Variants in MAGI2 observed in about 807,000 individuals in gnomAD.
MAGI2 encodes the protein membrane associated guanylate kinase, WW and PDZ domain containing 2, also known as membrane-associated guanylate kinase, WW and PDZ domain-containing protein 2.
Under a neutral mutation model 133.3 loss-of-function variants are expected in MAGI2, and 35 were observed. That is an observed-to-expected ratio of 0.26 (90% CI 0.20 to 0.35). The LOEUF (loss-of-function observed/expected upper bound fraction) is 0.35, where lower values mean the gene tolerates loss of function less well. MAGI2 is among the 10% of genes least tolerant of loss of function. MAGI2 has a pLI of 1.00. For missense variants in MAGI2, 1,636 were observed against 1,863.4 expected (o/e 0.88, Z 2.25); for synonymous variants, 729 against 710.6 (o/e 1.03, Z -0.41).
At chr7:79,189,546 C>T (rs1343381154) in intron 1 of MAGI2, among the ~76,000 whole-genome samples, 2 of 151,320 alleles carry the variant, frequency 1.3e-5, no homozygotes, top group Non-Finnish European at 2.9e-5. Flanking sequence ...CCCTTCTATT[C>T]CCCTCCTTCC....
intron 3 of MAGI2, among the ~76,000 whole-genome samples, chr7:78,540,245 G>A (rs574730207): frequency 3.5e-4 from 54 of 152,314 alleles, no homozygotes; most frequent in African/African-American, 1.2e-3. Flanking sequence ...GTCCTTGAGC[G>A]GGGCTTGCTG....
chr7:78,065,425 T>G, intron 21 of MAGI2: 1 of 498,772 alleles, frequency 2.0e-6, no homozygotes, highest in Non-Finnish European at 3.5e-6. Context: ...TCCTTATCAC[T>G]TATAAGGTCT....
chr7:78,475,202 G>A (rs1791619380), intron 6 of MAGI2, among the ~76,000 whole-genome samples: 1 of 151,836 alleles, frequency 6.6e-6, no homozygotes, highest in Non-Finnish European at 1.5e-5. Flanking sequence ...TAATCAGAGT[G>A]GAATAAAGGA....
chr7:78,925,318 G>A (rs923096683), intron 2 of MAGI2, among the ~76,000 whole-genome samples: 1 of 152,162 alleles, frequency 6.6e-6, no homozygotes, highest in Non-Finnish European at 1.5e-5. Context: ...ATATTTATCA[G>A]CACTGTCTGA....
chr7:78,910,263 C>CT (rs71085572), intron 2 of MAGI2, among the ~76,000 whole-genome samples: 6,487 of 128,050 alleles, frequency 0.051, 197 homozygotes, highest in African/African-American at 0.088. Flanking sequence ...TAAAGTAATT[C>CT]TTTTTTTTTT....
At chr7:78,077,213 A>G in intron 21 of MAGI2, among the ~76,000 whole-genome samples, 1 of 152,208 alleles carries the variant, frequency 6.6e-6, no homozygotes, top group Non-Finnish European at 1.5e-5. Flanking sequence ...TTCAGGTCTC[A>G]CCATGGAGTG....
chr7:78,642,940 A>C (rs1584941715), intron 2 of MAGI2, among the ~76,000 whole-genome samples: 1 of 152,202 alleles, frequency 6.6e-6, no homozygotes, highest in East Asian at 1.9e-4. Flanking sequence ...AGATGAGAGC[A>C]GCAGGTGGGA....
At chr7:79,269,925 C>T (rs1834755671) in intron 1 of MAGI2, among the ~76,000 whole-genome samples, 1 of 152,046 alleles carries the variant, frequency 6.6e-6, no homozygotes, top group African/African-American at 2.4e-5. Context: ...TTCCATAATC[C>T]CTGACTGCTC....
chr7:78,271,319 G>A (rs1218027134), intron 9 of MAGI2, among the ~76,000 whole-genome samples: 1 of 152,160 alleles, frequency 6.6e-6, no homozygotes, highest in Non-Finnish European at 1.5e-5. Flanking sequence ...TGATCGTGGA[G>A]GATAAGCTTT....
At chr7:78,324,516 T>C (rs1385230906) in intron 9 of MAGI2, among the ~76,000 whole-genome samples, 1 of 152,204 alleles carries the variant, frequency 6.6e-6, no homozygotes, top group African/African-American at 2.4e-5. Flanking sequence ...GTAAAATAAT[T>C]ATACCTATCC....
At position 78,280,853 on chromosome 7, in the gene MAGI2, C is replaced by CAAAAAA. The variant is rs36097343; in HGVS notation, c.1409-24278_1409-24273dup. 3.4e-3 allele frequency among the ~76,000 whole-genome samples: 372 copies of CAAAAAA among 108,018 alleles called. 8 individuals are homozygous for CAAAAAA. The highest frequency in any genetic ancestry group is 0.013 in the African/African-American group (347 of 27,514). 70.9% of individuals were successfully genotyped at this position (108,018 alleles called of 152,430 possible). ...ACTTGATCTTCAGGTGATGGGTATA[C>CAAAAAA]AAAAAAAAAAAAAAAAAAAAAAATT... is the stretch of plus-strand genomic sequence containing the variant. On this transcript the variant is annotated intron_variant, in intron 9 of 21. Coordinates refer to ENST00000354212, the MANE Select transcript of MAGI2 (RefSeq NM_012301.4).
chr7:78,557,670 T>C (rs896314701), intron 3 of MAGI2, among the ~76,000 whole-genome samples: 1 of 152,192 alleles, frequency 6.6e-6, no homozygotes, highest in African/African-American at 2.4e-5. Flanking sequence ...AGAAATACTT[T>C]CTAGAAGGTC....
intron 1 of MAGI2, among the ~76,000 whole-genome samples, chr7:79,402,948 G>A (rs1845572278): frequency 6.6e-6 from 1 of 152,092 alleles, no homozygotes; most frequent in Non-Finnish European, 1.5e-5. Flanking sequence ...AAATCACTTA[G>A]GTACCCTGTT....
chr7:79,039,899 A>G (rs1811499247), intron 1 of MAGI2, among the ~76,000 whole-genome samples: 1 of 148,274 alleles, frequency 6.7e-6, no homozygotes, highest in Admixed American at 6.8e-5. Context: ...ATACAATGAA[A>G]TATTATTCAG....
At chr7:78,024,109 G>A (rs1231316370) in intron 21 of MAGI2, among the ~76,000 whole-genome samples, 1 of 152,158 alleles carries the variant, frequency 6.6e-6, no homozygotes. Context: ...TTTTCACACA[G>A]CTGACTACTT....
chr7:79,346,722 C>G (rs1585655046), intron 1 of MAGI2, among the ~76,000 whole-genome samples: 1 of 152,052 alleles, frequency 6.6e-6, no homozygotes, highest in Non-Finnish European at 1.5e-5. Flanking sequence ...TTTATTACTG[C>G]TGGAATACTT....
chr7:78,023,917 C>G (rs1401554981), intron 21 of MAGI2, among the ~76,000 whole-genome samples: 2 of 152,190 alleles, frequency 1.3e-5, no homozygotes. Context: ...ATAGCACTTA[C>G]ATTGTGCTGG....
intron 1 of MAGI2, among the ~76,000 whole-genome samples, chr7:79,393,530 T>C (rs1004941815): frequency 2.0e-5 from 3 of 152,116 alleles, no homozygotes; most frequent in African/African-American, 7.2e-5. Context: ...AATTAACATA[T>C]AGCTGAACAA....
intron 1 of MAGI2, among the ~76,000 whole-genome samples, chr7:79,179,767 A>G (rs1585131949): frequency 6.6e-6 from 1 of 152,128 alleles, no homozygotes; most frequent in East Asian, 1.9e-4. Flanking sequence ...CATATACAAC[A>G]ATCAACTCAA....
Sources: gnomAD v4.1 joint callset for allele counts (sites outside exome capture counted in the v4.1 genomes callset) on GRCh38, gnomAD v4.1.1 for gene constraint, MANE v1.5 for transcripts, NCBI Gene and HGNC (gene_info 2026-07-23, HGNC 2026-07-21) for gene names.